The following HS3ST5 variants were observed in gnomAD, a reference collection of about 807,000 sequenced individuals.
HS3ST5 encodes the protein heparan sulfate glucosamine 3-O-sulfotransferase 5.
HS3ST5 carries 10 observed loss-of-function variants against 25.4 expected under a neutral mutation model. That is an observed-to-expected ratio of 0.39 (90% CI 0.24 to 0.67). The LOEUF (loss-of-function observed/expected upper bound fraction) is 0.67, where lower values mean the gene tolerates loss of function less well. Among genes scored for constraint, HS3ST5 ranks in the 30% least tolerant of loss-of-function variants. HS3ST5 has a pLI of 0.44. For missense variants in HS3ST5, 324 were observed against 420.7 expected (o/e 0.77, Z 2.01); for synonymous variants, 170 against 162.4 (o/e 1.05, Z -0.36).
At chr6:114,238,440 A>C (rs1771956737) in intron 1 of HS3ST5, among the ~76,000 whole-genome samples, 2 of 152,234 alleles carry the variant, frequency 1.3e-5, no homozygotes. Flanking sequence ...TAAGTTAAAA[A>C]GAAGAATAGG....
chr6:114,067,342 ACCTCAT>A (rs1321340012), intron 3 of HS3ST5, among the ~76,000 whole-genome samples: 37 of 152,174 alleles, frequency 2.4e-4, no homozygotes, highest in Admixed American at 8.5e-4. Context: ...TTATAAAATG[ACCTCAT>A]GGTTAAACTG....
chr6:114,256,279 C>T (rs1313291767), intron 1 of HS3ST5, among the ~76,000 whole-genome samples: 8 of 151,376 alleles, frequency 5.3e-5, no homozygotes, highest in Admixed American at 5.3e-4. Flanking sequence ...TCCCAGCTAC[C>T]CGGGAGGCTG....
At chr6:114,149,629 A>G (rs1778355592) in intron 3 of HS3ST5, among the ~76,000 whole-genome samples, 1 of 152,084 alleles carries the variant, frequency 6.6e-6, no homozygotes, top group Admixed American at 6.6e-5. Context: ...TACCTAATGC[A>G]TGTGGGGCTT....
At chr6:114,131,944 A>G (rs1490960198) in intron 3 of HS3ST5, 3 of 152,172 alleles carry the variant, frequency 2.0e-5, no homozygotes, top group Admixed American at 6.5e-5. Context: ...TCTCATTATC[A>G]TTTAATATGT....
chr6:114,312,945 G>A (rs1582808955), intron 1 of HS3ST5, among the ~76,000 whole-genome samples: 2 of 137,224 alleles, frequency 1.5e-5, no homozygotes, highest in Non-Finnish European at 3.1e-5. Flanking sequence ...GATCACTTCA[G>A]CCCAGGAGGT....
intron 1 of HS3ST5, among the ~76,000 whole-genome samples, chr6:114,322,265 T>A (rs960191975): frequency 7.2e-5 from 11 of 152,148 alleles, no homozygotes; most frequent in Admixed American, 1.3e-4. Flanking sequence ...TTCAATTTGT[T>A]TTATCCTAAC....
intron 4 of HS3ST5, among the ~76,000 whole-genome samples, chr6:114,060,958 A>G (rs1773083610): frequency 6.6e-6 from 1 of 152,194 alleles, no homozygotes; most frequent in Non-Finnish European, 1.5e-5. Flanking sequence ...TGGTAGAAGT[A>G]ACCTCTGTCT....
chr6:114,160,787 T>C (rs751227985), intron 3 of HS3ST5, among the ~76,000 whole-genome samples: 13 of 152,140 alleles, frequency 8.5e-5, no homozygotes, highest in Non-Finnish European at 1.8e-4. Flanking sequence ...CAAAGAAATA[T>C]GTTACTCAGC....
At chr6:114,064,824 A>G (rs1270407743) in intron 3 of HS3ST5, among the ~76,000 whole-genome samples, 3 of 152,150 alleles carry the variant, frequency 2.0e-5, no homozygotes, top group African/African-American at 7.2e-5. Context: ...GTCCTTCCTG[A>G]AGAAGTAACA....
rs532994332 is a variant in HS3ST5 at position 114,122,893 on chromosome 6, C to T, written c.-33+45458G>A. 2.0e-5 allele frequency among the ~76,000 whole-genome samples: 3 copies of T among 152,272 alleles called. No individual in the cohort carries two copies. The South Asian group carries it at 6.2e-4, about 32-fold the overall frequency. ...ATTGTTGGATACTGAATCATTAAGC[C>T]AGTGAAAACTTTTCTCTTATTTCAA... On this transcript the variant is annotated intron_variant, in intron 3 of 4. Coordinates refer to ENST00000312719, the MANE Select transcript of HS3ST5 (RefSeq NM_153612.4).
chr6:114,150,573 A>G (rs1778401356), intron 3 of HS3ST5, among the ~76,000 whole-genome samples: 1 of 152,202 alleles, frequency 6.6e-6, no homozygotes, highest in Admixed American at 6.5e-5. Context: ...TGAAAGCCCT[A>G]TGTCATTTTC....
chr6:114,187,841 C>T (rs1780297551), intron 2 of HS3ST5, among the ~76,000 whole-genome samples: 1 of 152,084 alleles, frequency 6.6e-6, no homozygotes, highest in Non-Finnish European at 1.5e-5. Context: ...GCCACAGCCA[C>T]CCAACCTTCA....
intron 3 of HS3ST5, among the ~76,000 whole-genome samples, chr6:114,125,031 A>G (rs923927508): frequency 8.5e-5 from 13 of 152,210 alleles, no homozygotes; most frequent in African/African-American, 2.9e-4. Context: ...TTGGGTTGTC[A>G]TTAAACTCAG....
intron 2 of HS3ST5, among the ~76,000 whole-genome samples, chr6:114,177,076 G>T (rs2115015812): frequency 6.6e-6 from 1 of 152,188 alleles, no homozygotes; most frequent in South Asian, 2.1e-4. Flanking sequence ...TCCCTCTCCT[G>T]TCCTCAGAAT....
At chr6:114,185,300 T>G (rs897688811) in intron 2 of HS3ST5, among the ~76,000 whole-genome samples, 1 of 152,090 alleles carries the variant, frequency 6.6e-6, no homozygotes, top group Non-Finnish European at 1.5e-5. Context: ...AGTGGAGCCC[T>G]CATGAATAGA....
chr6:114,329,456 A>G lies in HS3ST5; in HGVS notation c.-339+12739T>C, dbSNP rs192051791. On this transcript the variant is annotated intron_variant, in intron 1 of 4. Transcript: ENST00000312719. ...GTCTGCTTTGCTCCACGGGATTGGCATTGGGACTGCCACAGAGGCTGGCAC... is the reference window on the plus strand; with the variant it reads ...GTCTGCTTTGCTCCACGGGATTGGCGTTGGGACTGCCACAGAGGCTGGCAC... 2.3e-3 allele frequency among the ~76,000 whole-genome samples: 352 copies of G among 152,304 alleles called. 3 individuals carry two copies. Among genetic ancestry groups the G allele is most frequent in the Non-Finnish European group, 4.1e-3 (281 of 68,012 alleles).
chr6:114,064,235 G>C (rs1773320595), intron 3 of HS3ST5, among the ~76,000 whole-genome samples: 1 of 152,168 alleles, frequency 6.6e-6, no homozygotes, highest in Admixed American at 6.6e-5. Context: ...TACTAGGATT[G>C]AGTGATTGAT....
Position 114,294,780 on chromosome 6 carries a change from T to A in HS3ST5, c.-339+47415A>T, listed in dbSNP as rs567281081. On this transcript the variant is annotated intron_variant, in intron 1 of 4. Coordinates refer to ENST00000312719, the MANE Select transcript of HS3ST5 (RefSeq NM_153612.4). ...CTGAAACAATGTTAATACCATGCAA[T>A]GTTATATCACTGATTTTGTTTCACT... Among the ~76,000 whole-genome samples the A allele has an allele frequency of 6.4e-4, 98 of 152,312 alleles. 1 individual carries two copies. Among genetic ancestry groups the A allele is most frequent in the African/African-American group, 2.3e-3 (94 of 41,580 alleles).
chr6:114,110,461 G>C (rs1464179609), intron 3 of HS3ST5, among the ~76,000 whole-genome samples: 1 of 152,168 alleles, frequency 6.6e-6, no homozygotes, highest in Admixed American at 6.5e-5. Context: ...CTGTAGGGAT[G>C]AGAAGAGCCA....
Sources: gnomAD v4.1 joint callset for allele counts (sites outside exome capture counted in the v4.1 genomes callset) on GRCh38, gnomAD v4.1.1 for gene constraint, MANE v1.5 for transcripts, NCBI Gene and HGNC (gene_info 2026-07-23, HGNC 2026-07-21) for gene names.